GALNT13: variants seen among roughly 807,000 people sequenced by gnomAD.
The protein encoded by GALNT13 is UDP-GalNAc:polypeptide N-acetylgalactosaminyltransferase 13.
In GALNT13, 28 loss-of-function variants were observed where a neutral mutation model predicts 64.2. That is an observed-to-expected ratio of 0.44 (90% CI 0.32 to 0.60). The LOEUF (loss-of-function observed/expected upper bound fraction) is 0.60, where lower values mean the gene tolerates loss of function less well. Ranked by LOEUF, GALNT13 falls within the 20% of genes least tolerant of loss-of-function variation. The pLI is 0.05. For synonymous variants in GALNT13, 214 were observed against 224.6 expected (o/e 0.95, Z 0.42); for missense variants, 577 against 669.8 (o/e 0.86, Z 1.53).
At chr2:153,313,227 G>A in the GALNT13 span, among the ~76,000 whole-genome samples, 1 of 151,992 alleles carries the variant, frequency 6.6e-6, no homozygotes, top group Non-Finnish European at 1.5e-5. Flanking sequence ...TATCATAAAC[G>A]ATTACAATAT....
At chr2:153,563,713 T>G in the GALNT13 span, among the ~76,000 whole-genome samples, 1 of 145,880 alleles carries the variant, frequency 6.9e-6, no homozygotes, top group African/African-American at 2.8e-5. Context: ...CTCTTAGGGT[T>G]TTTTTTTTCC....
At chr2:154,015,032 A>G (rs1696914238) in intron 3 of GALNT13, among the ~76,000 whole-genome samples, 1 of 152,172 alleles carries the variant, frequency 6.6e-6, no homozygotes, top group Admixed American at 6.5e-5. Flanking sequence ...ATAAAACAAA[A>G]CATGCATATT....
At chr2:153,557,540 A>T in the GALNT13 span, among the ~76,000 whole-genome samples, 1 of 152,174 alleles carries the variant, frequency 6.6e-6, no homozygotes, top group African/African-American at 2.4e-5. Context: ...AGGGTTACCA[A>T]CATCGTTTCA....
chr2:153,489,140 C>T, the GALNT13 span, among the ~76,000 whole-genome samples: 11 of 152,098 alleles, frequency 7.2e-5, no homozygotes, highest in Non-Finnish European at 1.2e-4. Context: ...GTTGCGGGGG[C>T]TGAGGGGTGA....
At chr2:153,936,960 G>A (rs903549490) in intron 2 of GALNT13, among the ~76,000 whole-genome samples, 12 of 152,076 alleles carry the variant, frequency 7.9e-5, no homozygotes, top group Non-Finnish European at 1.0e-4. Flanking sequence ...CTTGTGTTCC[G>A]CCCACCTTGG....
At chr2:154,103,318 A>G (rs753576999) in intron 3 of GALNT13, among the ~76,000 whole-genome samples, 2 of 152,140 alleles carry the variant, frequency 1.3e-5, no homozygotes, top group African/African-American at 4.8e-5. Flanking sequence ...TGAAATTCCT[A>G]TAGTGAATTT....
chr2:153,563,706 T>C, the GALNT13 span, among the ~76,000 whole-genome samples: 174 of 151,742 alleles, frequency 1.1e-3, no homozygotes, highest in Non-Finnish European at 1.0e-3. Flanking sequence ...TCCTTCACTC[T>C]TAGGGTTTTT....
intron 4 of GALNT13, among the ~76,000 whole-genome samples, chr2:154,199,305 G>C (rs951847645): frequency 3.3e-5 from 5 of 151,942 alleles, no homozygotes; most frequent in African/African-American, 1.2e-4. Flanking sequence ...CAAGAAGAAA[G>C]GGGAAGCATT....
the GALNT13 span, among the ~76,000 whole-genome samples, chr2:153,475,209 C>T: frequency 1.3e-5 from 2 of 152,300 alleles, no homozygotes; most frequent in Admixed American, 1.3e-4. Flanking sequence ...CTTGGCATCT[C>T]TCTAAGTAAC....
At chr2:153,434,715 G>C in the GALNT13 span, among the ~76,000 whole-genome samples, 1 of 152,106 alleles carries the variant, frequency 6.6e-6, no homozygotes, top group Non-Finnish European at 1.5e-5. Context: ...GTTCATTGTA[G>C]ATTCTGGATA....
intron 3 of GALNT13, among the ~76,000 whole-genome samples, chr2:154,127,326 TG>T (rs1438934827): frequency 6.6e-6 from 1 of 152,134 alleles, no homozygotes; most frequent in African/African-American, 2.4e-5. Context: ...TTCTAGACGT[TG>T]GAAGGCTACT....
intron 4 of GALNT13, among the ~76,000 whole-genome samples, chr2:154,221,140 A>G (rs1350887914): frequency 1.3e-5 from 2 of 152,080 alleles, no homozygotes; most frequent in African/African-American, 4.8e-5. Flanking sequence ...AAATGCACAA[A>G]TTAGTATTGT....
At chr2:153,861,559 C>CTTTT in the GALNT13 span, among the ~76,000 whole-genome samples, 346 of 118,152 alleles carry the variant, frequency 2.9e-3, no homozygotes, top group East Asian at 0.027. Flanking sequence ...TTCTTTCTTT[C>CTTTT]TTTTTTTTTT....
chr2:154,010,233 T>C (rs1696538580), intron 3 of GALNT13, among the ~76,000 whole-genome samples: 1 of 152,318 alleles, frequency 6.6e-6, no homozygotes, highest in African/African-American at 2.4e-5. Flanking sequence ...GGTTTTCTCA[T>C]AGATGGCTCT....
intron 3 of GALNT13, among the ~76,000 whole-genome samples, chr2:153,966,838 C>T (rs573506548): frequency 1.3e-5 from 2 of 152,230 alleles, no homozygotes; most frequent in East Asian, 3.9e-4. Flanking sequence ...ATCCCTGTCT[C>T]TATATCCTCT....
chr2:154,021,269 T>C (rs1474768406), intron 3 of GALNT13, among the ~76,000 whole-genome samples: 1 of 152,240 alleles, frequency 6.6e-6, no homozygotes, highest in Admixed American at 6.5e-5. Flanking sequence ...GGGATGGCAT[T>C]GAATCTATAA....
chr2:153,167,651 C>T, the GALNT13 span, among the ~76,000 whole-genome samples: 1 of 152,126 alleles, frequency 6.6e-6, no homozygotes. Flanking sequence ...CAATCTGGTG[C>T]AATCGGATAG....
At chr2:154,406,768 G>A (rs1336442138) in intron 10 of GALNT13, among the ~76,000 whole-genome samples, 1 of 152,044 alleles carries the variant, frequency 6.6e-6, no homozygotes, top group African/African-American at 2.4e-5. Context: ...TAAAACATAA[G>A]CTTTATGAAG....
At chr2:153,711,145 A>G in the GALNT13 span, among the ~76,000 whole-genome samples, 1 of 152,180 alleles carries the variant, frequency 6.6e-6, no homozygotes, top group African/African-American at 2.4e-5. Context: ...GTTACTACTA[A>G]AGCCAAGTTT....
Sources: gnomAD v4.1 joint callset for allele counts (sites outside exome capture counted in the v4.1 genomes callset) on GRCh38, gnomAD v4.1.1 for gene constraint, MANE v1.5 for transcripts, NCBI Gene and HGNC (gene_info 2026-07-23, HGNC 2026-07-21) for gene names.